The following CLPB variants were observed in gnomAD, a reference collection of about 807,000 sequenced individuals.
CLPB encodes the protein mitochondrial disaggregase.
A neutral mutation model predicts 78.4 loss-of-function variants in CLPB; 40 were observed. The ratio of observed to expected loss-of-function variants is 0.51; its 90% CI spans 0.40 to 0.66. The LOEUF is 0.66. Ranked by LOEUF, CLPB falls within the 30% of genes least tolerant of loss-of-function variation. The pLI, the probability that CLPB is intolerant of heterozygous loss-of-function variation, is 0.00. For missense variants in CLPB, 780 were observed against 886.9 expected, an observed-to-expected ratio of 0.88 and a Z score of 1.53; for synonymous variants, 333 against 348.0, an observed-to-expected ratio of 0.96 and a Z score of 0.48.
intron 3 of CLPB, among the ~76,000 whole-genome samples, chr11:72,396,056 A>C (rs1282819609): frequency 6.6e-6 from 1 of 152,230 alleles, no homozygotes; most frequent in Non-Finnish European, 1.5e-5. Context: ...AGGGAAAATA[A>C]GCAAATGCTA....
chr11:72,430,202 T>C, intron 2 of CLPB, 110 bp downstream of exon 2: 1 of 1,018,128 alleles, frequency 9.8e-7, no homozygotes, highest in Non-Finnish European at 1.5e-6. Flanking sequence ...CAGGGGACAG[T>C]TCCCAGCTTA....
chr11:72,432,830 G>A (rs1184994710), intron 1 of CLPB, among the ~76,000 whole-genome samples: 1 of 152,104 alleles, frequency 6.6e-6, no homozygotes, highest in Non-Finnish European at 1.5e-5. Flanking sequence ...TTTACAATTG[G>A]CCACATCAAA....
At chr11:72,299,903 G>A (rs1303628261) in intron 11 of CLPB, among the ~76,000 whole-genome samples, 1 of 152,180 alleles carries the variant, frequency 6.6e-6, no homozygotes, top group Non-Finnish European at 1.5e-5. Context: ...GGGAGACAGG[G>A]CTTCCATGTA....
intron 5 of CLPB, among the ~76,000 whole-genome samples, chr11:72,344,083 GT>G (rs1950468210): frequency 1.3e-5 from 2 of 152,158 alleles, no homozygotes; most frequent in South Asian, 4.1e-4. Context: ...CACAGATGAA[GT>G]TGTGCTGAGA....
intron 2 of CLPB, among the ~76,000 whole-genome samples, chr11:72,420,453 C>T (rs1422221484): frequency 6.6e-6 from 1 of 151,972 alleles, no homozygotes; most frequent in Non-Finnish European, 1.5e-5. Context: ...GAGATTGTGC[C>T]ACTGCACTCC....
intron 7 of CLPB, among the ~76,000 whole-genome samples, chr11:72,316,297 T>C (rs979949602): frequency 1.3e-5 from 2 of 152,198 alleles, no homozygotes; most frequent in Admixed American, 6.5e-5. Context: ...TCCCAGAAGA[T>C]AGTGATGCCG....
At chr11:72,373,846 G>C (rs1482675402) in intron 4 of CLPB, among the ~76,000 whole-genome samples, 1 of 151,276 alleles carries the variant, frequency 6.6e-6, no homozygotes, top group South Asian at 2.1e-4. Context: ...AGTAATCCCA[G>C]CTACTTGGGA....
intron 7 of CLPB, among the ~76,000 whole-genome samples, chr11:72,313,135 C>T (rs1949877186): frequency 6.6e-6 from 1 of 152,124 alleles, no homozygotes; most frequent in Admixed American, 6.6e-5. Flanking sequence ...TTTTTTATAA[C>T]CTAATCTGGA....
At chr11:72,351,356 T>G (rs1950611327) in intron 5 of CLPB, 1 of 152,204 alleles carries the variant, frequency 6.6e-6, no homozygotes, top group Non-Finnish European at 1.5e-5. Context: ...CTCATTTGTC[T>G]CCCCTTTCTG....
intron 4 of CLPB, among the ~76,000 whole-genome samples, chr11:72,363,876 A>G (rs1056866250): frequency 1.3e-5 from 2 of 152,202 alleles, no homozygotes; most frequent in Non-Finnish European, 2.9e-5. Context: ...GGACTAAGCT[A>G]ACTTCTTTCA....
At chr11:72,351,405 G>C (rs1002261442) in intron 5 of CLPB, 2 of 152,174 alleles carry the variant, frequency 1.3e-5, no homozygotes, top group African/African-American at 4.8e-5. Context: ...TTTAAATGTG[G>C]TCTGTGTACT....
chr11:72,358,766 G>A (rs1168850900), intron 5 of CLPB, 114 bp downstream of exon 5: 4 of 838,244 alleles, frequency 4.8e-6, no homozygotes, highest in Non-Finnish European at 5.4e-6. Flanking sequence ...AGAATAGTGA[G>A]GCTGCCAAGT....
At chr11:72,411,001 G>A (rs1300073391) in intron 2 of CLPB, 1 of 152,202 alleles carries the variant, frequency 6.6e-6, no homozygotes, top group South Asian at 2.1e-4. Flanking sequence ...CCTTCCCTAA[G>A]ATGACCTTGT....
chr11:72,429,732 A>C (rs1433763894), intron 2 of CLPB, among the ~76,000 whole-genome samples: 2 of 152,242 alleles, frequency 1.3e-5, no homozygotes. Flanking sequence ...AGCCGAGTTG[A>C]ATCTTGCCCT....
At chr11:72,388,676 G>A (rs1855157241) in intron 3 of CLPB, among the ~76,000 whole-genome samples, 1 of 152,138 alleles carries the variant, frequency 6.6e-6, no homozygotes, top group South Asian at 2.1e-4. Flanking sequence ...TGGCCAGTAG[G>A]TTTTTTGTTC....
At chr11:72,422,447 ATTCT>A (rs1252575163) in intron 2 of CLPB, among the ~76,000 whole-genome samples, 1 of 152,168 alleles carries the variant, frequency 6.6e-6, no homozygotes, top group African/African-American at 2.4e-5. Flanking sequence ...AAACTCTTGT[ATTCT>A]TTCTGTAACA....
At chr11:72,320,281 G>A (rs1276725661) in intron 6 of CLPB, among the ~76,000 whole-genome samples, 12 of 152,192 alleles carry the variant, frequency 7.9e-5, no homozygotes. Context: ...GCCTCCCTGA[G>A]TCTTCTCTGG....
At chr11:72,327,264 C>T (rs1389822267) in intron 6 of CLPB, among the ~76,000 whole-genome samples, 1 of 152,220 alleles carries the variant, frequency 6.6e-6, no homozygotes, top group Non-Finnish European at 1.5e-5. Flanking sequence ...AGAGCTGTTT[C>T]TATGCTCTTC....
At chr11:72,398,388 C>T (rs1477314472) in intron 3 of CLPB, among the ~76,000 whole-genome samples, 2 of 152,100 alleles carry the variant, frequency 1.3e-5, no homozygotes, top group African/African-American at 2.4e-5. Context: ...TCAAGTCGCC[C>T]GAGAGCGGAT....
Sources: gnomAD v4.1 joint callset for allele counts (sites outside exome capture counted in the v4.1 genomes callset) on GRCh38, gnomAD v4.1.1 for gene constraint, MANE v1.5 for transcripts, NCBI Gene and HGNC (gene_info 2026-07-23, HGNC 2026-07-21) for gene names.